The following SNX3 variants were observed in gnomAD, a reference collection of about 807,000 sequenced individuals.
SNX3 encodes sorting nexin-3.
SNX3 carries 5 observed loss-of-function variants against 17.7 expected under a neutral mutation model. That is an observed-to-expected ratio of 0.28 (90% CI 0.15 to 0.59). The LOEUF (loss-of-function observed/expected upper bound fraction) is 0.59. Among genes scored for constraint, SNX3 ranks in the 20% least tolerant of loss-of-function variants. The pLI is 0.88. For missense variants in SNX3, 132 were observed against 206.8 expected (o/e 0.64, Z 2.22); for synonymous variants, 91 against 76.5 (o/e 1.19, Z -0.99).
intron 1 of SNX3, among the ~76,000 whole-genome samples, chr6:108,227,505 A>G (rs750734606): frequency 5.3e-5 from 8 of 152,144 alleles, no homozygotes; most frequent in Non-Finnish European, 1.0e-4. Flanking sequence ...GATTCACTCT[A>G]ACAGAAAGGG....
rs140192962 is a variant in SNX3 at position 108,242,596 on chromosome 6, T to C, written c.162+18164A>G. On this transcript the variant is annotated intron_variant, in intron 1 of 3. Coordinates refer to ENST00000230085, the MANE Select transcript of SNX3 (RefSeq NM_003795.6). The stretch of plus-strand genomic sequence containing the variant: ...CTGAATTCCAAGATGGTGCCTAAAA[T>C]TGCCACCCCTTGGCATACACACCTC... Among the ~76,000 whole-genome samples, 1,012 of 152,248 alleles carry C rather than the reference T, an allele frequency of 6.6e-3. 5 individuals carry two copies. Among genetic ancestry groups the C allele is most frequent in the South Asian group, 0.023 (112 of 4,824 alleles).
intron 1 of SNX3, chr6:108,252,217 T>C (rs1775886087): frequency 6.6e-6 from 1 of 152,174 alleles, no homozygotes; most frequent in Non-Finnish European, 1.5e-5. Flanking sequence ...AGGCACCACG[T>C]CCAGCTTCCT....
At chr6:108,221,960 T>C (rs1322647767) in intron 2 of SNX3, among the ~76,000 whole-genome samples, 2 of 152,110 alleles carry the variant, frequency 1.3e-5, no homozygotes, top group Admixed American at 1.3e-4. Flanking sequence ...CCTCACTATG[T>C]TCCCCAGGCT....
intron 2 of SNX3, among the ~76,000 whole-genome samples, chr6:108,217,924 G>A (rs911791164): frequency 1.3e-5 from 2 of 152,120 alleles, no homozygotes; most frequent in Non-Finnish European, 2.9e-5. Context: ...CTAATTTCTA[G>A]CTTAGTTTAA....
At chr6:108,241,430 AG>A (rs1249699498) in intron 1 of SNX3, among the ~76,000 whole-genome samples, 1 of 152,048 alleles carries the variant, frequency 6.6e-6, no homozygotes, top group Non-Finnish European at 1.5e-5. Context: ...CCAAGGTGGG[AG>A]GACTGCTTGA....
At chr6:108,220,412 A>AT (rs1393044028) in intron 2 of SNX3, among the ~76,000 whole-genome samples, 1 of 151,932 alleles carries the variant, frequency 6.6e-6, no homozygotes, top group African/African-American at 2.4e-5. Flanking sequence ...CATATCTTTT[A>AT]TATGTTTAGA....
intron 3 of SNX3, among the ~76,000 whole-genome samples, chr6:108,212,527 G>A (rs694468): frequency 0.028 from 4,204 of 152,020 alleles, 199 homozygotes; most frequent in African/African-American, 0.092. Context: ...TACTAGAGAC[G>A]GGGTTTCACC....
intron 1 of SNX3, among the ~76,000 whole-genome samples, chr6:108,235,911 T>G (rs1291617076): frequency 6.6e-6 from 1 of 152,154 alleles, no homozygotes; most frequent in Admixed American, 6.5e-5. Flanking sequence ...GTATATAGAC[T>G]TGTTATTTAT....
At chr6:108,217,787 T>C (rs1289710726) in intron 2 of SNX3, among the ~76,000 whole-genome samples, 1 of 150,594 alleles carries the variant, frequency 6.6e-6, no homozygotes, top group Non-Finnish European at 1.5e-5. Flanking sequence ...AATTAAAAAG[T>C]CATGAATGCA....
chr6:108,236,470 G>A (rs1226565611), intron 1 of SNX3, among the ~76,000 whole-genome samples: 1 of 145,886 alleles, frequency 6.9e-6, no homozygotes, highest in Non-Finnish European at 1.5e-5. Flanking sequence ...TGCAAGCTCC[G>A]CCTCCTGGGT....
In SNX3 at chr6:108,234,255, A is replaced by G. The variant is rs186880999; in HGVS notation, c.163-11210T>C. 1.6e-3 allele frequency among the ~76,000 whole-genome samples: 241 copies of G among 151,550 alleles called. 3 individuals are homozygous for G. Among genetic ancestry groups the G allele is most frequent in the East Asian group, 0.012 (64 of 5,186 alleles). The stretch of plus-strand genomic sequence containing the variant: ...ATAAAAAACATATATATATATATAT[A>G]ACATATACATGTGACAGCTGGGTGC... On this transcript the variant is annotated intron_variant, in intron 1 of 3. Coordinates refer to ENST00000230085, the MANE Select transcript of SNX3 (RefSeq NM_003795.6).
Position 108,261,013 on chromosome 6 carries a change from G to A in SNX3, c.-92C>T, listed in dbSNP as rs911712507. 16 of 1,229,474 alleles carry A rather than the reference G, an allele frequency of 1.3e-5. No individual in the cohort carries two copies. The East Asian group carries it at 1.9e-4, about 15-fold the overall frequency. The allele number at this position is 1,229,474 out of a possible 1,614,324, so 76.2% of individuals were successfully genotyped here. A position where few individuals can be genotyped will look rare whatever the true frequency, so the allele number is the denominator to read the frequency against. On this transcript the variant is annotated 5_prime_UTR_variant, in exon 1 of 4. Coordinates refer to ENST00000230085, the MANE Select transcript of SNX3 (RefSeq NM_003795.6). ...CCGCTGCTGCCCGCCGTGGGGACAC[G>A]GGGCTCGCGCGCAGCGGTCGCGAAG... is the stretch of plus-strand genomic sequence containing the variant.
Position 108,247,194 on chromosome 6 carries a change from G to A in SNX3, c.162+13566C>T, listed in dbSNP as rs77378165. Among the ~76,000 whole-genome samples, 5 of 151,966 alleles carry A rather than the reference G, an allele frequency of 3.3e-5. No individual in the cohort carries two copies. The East Asian group carries it at 9.7e-4, about 29-fold the overall frequency. On this transcript the variant is annotated intron_variant, in intron 1 of 3. Coordinates refer to ENST00000230085, the MANE Select transcript of SNX3 (RefSeq NM_003795.6). ...ACTTGCTTCTTTGCCTTCCATGCTT[G>A]TAAGTTTCCTGAGGCCTCCCCAGCT...
At chr6:108,242,563 G>A (rs1335278928) in intron 1 of SNX3, among the ~76,000 whole-genome samples, 2 of 152,132 alleles carry the variant, frequency 1.3e-5, no homozygotes, top group African/African-American at 4.8e-5. Context: ...CCTATCCAGC[G>A]TGGTAGGCTG....
chr6:108,224,998 T>C (rs1052789443), intron 1 of SNX3, among the ~76,000 whole-genome samples: 34 of 152,096 alleles, frequency 2.2e-4, no homozygotes, highest in Admixed American at 5.2e-4. Context: ...AGAAAAAATA[T>C]GCGGCAGGGC....
chr6:108,212,483 G>A (rs1019135980), intron 3 of SNX3, among the ~76,000 whole-genome samples: 1 of 151,910 alleles, frequency 6.6e-6, no homozygotes, highest in African/African-American at 2.4e-5. Context: ...GACTACAGGC[G>A]TGTGCCATCA....
intron 1 of SNX3, among the ~76,000 whole-genome samples, chr6:108,237,309 T>C (rs906607453): frequency 3.9e-5 from 6 of 152,196 alleles, no homozygotes; most frequent in Non-Finnish European, 7.3e-5. Context: ...CTACTCTGAG[T>C]TGCAGAGTTT....
At chr6:108,243,292 A>G (rs1775577444) in intron 1 of SNX3, among the ~76,000 whole-genome samples, 1 of 152,064 alleles carries the variant, frequency 6.6e-6, no homozygotes, top group African/African-American at 2.4e-5. Context: ...GAGGGCTACA[A>G]TTGTGGTAAT....
chr6:108,221,532 CTTTTTTTTTTTTTTTTTTT>C (rs554429322), intron 2 of SNX3, among the ~76,000 whole-genome samples: 1 of 57,744 alleles, frequency 1.7e-5, no homozygotes, highest in Non-Finnish European at 3.4e-5. Context: ...CAGTATTACA[CTTTTTTTTTTTTTTTTTTT>C]TTTTTTTTTT....
Sources: gnomAD v4.1 joint callset for allele counts (sites outside exome capture counted in the v4.1 genomes callset) on GRCh38, gnomAD v4.1.1 for gene constraint, MANE v1.5 for transcripts, NCBI Gene and HGNC (gene_info 2026-07-23, HGNC 2026-07-21) for gene names.